ST6GAL1: variants seen among roughly 807,000 people sequenced by gnomAD.
The protein encoded by ST6GAL1 is beta-galactoside alpha-2,6-sialyltransferase 1.
ST6GAL1 carries 20 observed loss-of-function variants against 38.0 expected under a neutral mutation model. The observed-to-expected ratio is 0.53, with a 90% CI of 0.37 to 0.77. The LOEUF (loss-of-function observed/expected upper bound fraction) is 0.77. Ranked by LOEUF, ST6GAL1 falls within the 30% of genes least tolerant of loss-of-function variation. ST6GAL1 has a pLI of 0.00. For synonymous variants in ST6GAL1, 196 were observed against 188.2 expected (o/e 1.04, Z -0.34); for missense variants, 432 against 496.4 (o/e 0.87, Z 1.23).
Position 186,999,569 on chromosome 3 carries a change from G to A in ST6GAL1, c.-183+35643G>A, listed in dbSNP as rs141003650. On this transcript the variant is annotated intron_variant, in intron 2 of 7. Transcript: ENST00000169298. ...TGGGACTACAGGAGTGCACCACTGC[G>A]CCTGGCTAATTTTGTATTTTTAGTA... Among the ~76,000 whole-genome samples, 298 of 151,864 alleles carry A rather than the reference G, an allele frequency of 2.0e-3. 1 individual carries two copies. The highest frequency in any genetic ancestry group is 6.5e-3 in the African/African-American group (269 of 41,440).
At chr3:186,943,372 A>G (rs1355273651) in intron 1 of ST6GAL1, among the ~76,000 whole-genome samples, 1 of 152,228 alleles carries the variant, frequency 6.6e-6, no homozygotes, top group Non-Finnish European at 1.5e-5. Flanking sequence ...GCGGGACTTG[A>G]GGCTGGAACC....
At chr3:186,931,408 A>G (rs73187733) in intron 1 of ST6GAL1, 7,989 of 152,430 alleles carry the variant, frequency 0.052, 300 homozygotes, top group East Asian at 0.11. Flanking sequence ...CCGCTTGGGC[A>G]TCAGACTAAA....
rs377680266 is a variant in ST6GAL1 at position 186,965,775 on chromosome 3, C to T, written c.-183+1849C>T. ...TGGTCTCCAGGTGCCAGCCCTGCCT[C>T]TTCTCTTCCTCGTCCTTCCCCTGTA... On this transcript the variant is annotated intron_variant, in intron 2 of 7. Coordinates refer to ENST00000169298, the MANE Select transcript of ST6GAL1 (RefSeq NM_173216.2). Among the ~76,000 whole-genome samples the T allele has an allele frequency of 1.2e-3, 176 of 152,306 alleles. 3 individuals are homozygous for T. Among genetic ancestry groups the T allele is most frequent in the African/African-American group, 3.9e-3 (164 of 41,556 alleles).
chr3:187,034,517 G>A (rs1322528796), intron 2 of ST6GAL1, among the ~76,000 whole-genome samples: 1 of 152,064 alleles, frequency 6.6e-6, no homozygotes, highest in African/African-American at 2.4e-5. Context: ...CAAAACACTA[G>A]CATACCGAAT....
At chr3:186,963,226 A>G (rs1488392508) in intron 1 of ST6GAL1, among the ~76,000 whole-genome samples, 1 of 152,152 alleles carries the variant, frequency 6.6e-6, no homozygotes, top group East Asian at 1.9e-4. Flanking sequence ...TTCACTTTAA[A>G]AAAAACTTTT....
At chr3:187,027,805 C>T (rs1360568936) in intron 2 of ST6GAL1, among the ~76,000 whole-genome samples, 2 of 151,968 alleles carry the variant, frequency 1.3e-5, no homozygotes, top group African/African-American at 4.8e-5. Context: ...AAGGGCAGGT[C>T]TAGGGCATTT....
chr3:186,993,230 C>A (rs1716237433), intron 2 of ST6GAL1, among the ~76,000 whole-genome samples: 1 of 152,182 alleles, frequency 6.6e-6, no homozygotes, highest in African/African-American at 2.4e-5. Context: ...GCTGGTGGGC[C>A]CTGTTTGGTG....
At chr3:187,034,187 AT>A (rs1560169956) in intron 2 of ST6GAL1, among the ~76,000 whole-genome samples, 1 of 152,170 alleles carries the variant, frequency 6.6e-6, no homozygotes, top group African/African-American at 2.4e-5. Flanking sequence ...GAAACTCACA[AT>A]CTTTCAAGAT....
At chr3:187,012,709 C>CA (rs1716996788) in intron 2 of ST6GAL1, among the ~76,000 whole-genome samples, 1 of 152,240 alleles carries the variant, frequency 6.6e-6, no homozygotes, top group Admixed American at 6.5e-5. Flanking sequence ...GACTGGGTGC[C>CA]AGGCCGTAGG....
chr3:187,030,720 C>T (rs1172378064), intron 2 of ST6GAL1, among the ~76,000 whole-genome samples: 1 of 152,190 alleles, frequency 6.6e-6, no homozygotes, highest in Non-Finnish European at 1.5e-5. Flanking sequence ...AGGTGTGAGC[C>T]ACCGTGCCCA....
At chr3:186,992,133 C>T (rs978418788) in intron 2 of ST6GAL1, among the ~76,000 whole-genome samples, 3 of 152,150 alleles carry the variant, frequency 2.0e-5, no homozygotes, top group African/African-American at 7.2e-5. Context: ...TATGGTTTGG[C>T]TGTGTCCCAC....
intron 1 of ST6GAL1, among the ~76,000 whole-genome samples, chr3:186,962,586 G>T (rs1714970551): frequency 6.6e-6 from 1 of 152,120 alleles, no homozygotes; most frequent in South Asian, 2.1e-4. Flanking sequence ...CAGTTTCTAT[G>T]GTACCAGTAG....
chr3:186,953,056 C>A (rs1191228605), intron 1 of ST6GAL1, among the ~76,000 whole-genome samples: 2 of 152,200 alleles, frequency 1.3e-5, no homozygotes, highest in Non-Finnish European at 2.9e-5. Context: ...TCATGTTGGT[C>A]CAGGACAGAA....
intron 1 of ST6GAL1, among the ~76,000 whole-genome samples, chr3:186,943,738 A>G (rs35550772): frequency 0.16 from 24,159 of 152,136 alleles, 2,362 homozygotes; most frequent in African/African-American, 0.27. Flanking sequence ...ATGAGCCACC[A>G]TGCCCGGCCT....
At chr3:186,997,411 T>C (rs896485510) in intron 2 of ST6GAL1, among the ~76,000 whole-genome samples, 2 of 152,050 alleles carry the variant, frequency 1.3e-5, no homozygotes, top group African/African-American at 4.8e-5. Context: ...TCATCATCTG[T>C]CTCAGGATGG....
chr3:186,998,452 A>G (rs577987509), intron 2 of ST6GAL1, among the ~76,000 whole-genome samples: 3 of 152,324 alleles, frequency 2.0e-5, no homozygotes, highest in Admixed American at 6.5e-5. Context: ...ATTATTTAGT[A>G]AGTGGAAGTG....
At chr3:187,037,447 T>C (rs1270953427) in intron 2 of ST6GAL1, among the ~76,000 whole-genome samples, 1 of 152,254 alleles carries the variant, frequency 6.6e-6, no homozygotes, top group Non-Finnish European at 1.5e-5. Context: ...CTTTTTATTG[T>C]AGTTACAGTA....
chr3:187,051,179 T>A, intron 4 of ST6GAL1, 70 bp from the exon 5 acceptor site: 8 of 1,228,008 alleles, frequency 6.5e-6, no homozygotes, highest in Non-Finnish European at 8.3e-6. Context: ...CTCCCCCGCC[T>A]CTCGTCTTTC....
intron 3 of ST6GAL1, among the ~76,000 whole-genome samples, chr3:187,041,210 G>A (rs1332574935): frequency 6.6e-6 from 1 of 152,142 alleles, no homozygotes; most frequent in African/African-American, 2.4e-5. Context: ...GAAAAACTCA[G>A]GGGCAGAAAT....
Sources: gnomAD v4.1 joint callset for allele counts (sites outside exome capture counted in the v4.1 genomes callset) on GRCh38, gnomAD v4.1.1 for gene constraint, MANE v1.5 for transcripts, NCBI Gene and HGNC (gene_info 2026-07-23, HGNC 2026-07-21) for gene names.